Variants in KCNH8 observed in about 807,000 individuals in gnomAD.
The protein encoded by KCNH8 is voltage-gated delayed rectifier potassium channel KCNH8.
Under a neutral mutation model 103.6 loss-of-function variants are expected in KCNH8, and 70 were observed. The ratio of observed to expected loss-of-function variants is 0.68; its 90% CI spans 0.56 to 0.82. The LOEUF (loss-of-function observed/expected upper bound fraction) is 0.82. Ranked by LOEUF, KCNH8 falls within the 40% of genes least tolerant of loss-of-function variation. KCNH8 has a pLI of 0.00. For missense variants in KCNH8, 1,217 were observed against 1,329.9 expected (o/e 0.92, Z 1.32); for synonymous variants, 498 against 489.4 (o/e 1.02, Z -0.23).
intron 5 of KCNH8, among the ~76,000 whole-genome samples, chr3:19,382,191 TTAAC>T (rs1319508354): frequency 6.6e-5 from 10 of 152,148 alleles, no homozygotes; most frequent in South Asian, 2.1e-4. Flanking sequence ...ATTCTAAAAA[TTAAC>T]TAAGTTTCAA....
At chr3:19,452,993 T>C (rs958325510) in intron 10 of KCNH8, among the ~76,000 whole-genome samples, 3 of 152,182 alleles carry the variant, frequency 2.0e-5, no homozygotes, top group Non-Finnish European at 2.9e-5. Flanking sequence ...ATGTGGTACA[T>C]ATATGCAATG....
chr3:19,329,643 A>G (rs1297221442), intron 3 of KCNH8, among the ~76,000 whole-genome samples: 1 of 152,152 alleles, frequency 6.6e-6, no homozygotes, highest in African/African-American at 2.4e-5. Context: ...ATTCCGATCT[A>G]CAACTGGAAG....
At chr3:19,440,200 A>T (rs191377751) in intron 8 of KCNH8, among the ~76,000 whole-genome samples, 128 of 152,292 alleles carry the variant, frequency 8.4e-4, no homozygotes, top group East Asian at 1.9e-3. Context: ...ATAATTTTTT[A>T]AAAAAATTTT....
intron 3 of KCNH8, among the ~76,000 whole-genome samples, chr3:19,311,172 C>CTAA (rs1031136738): frequency 9.9e-5 from 15 of 151,322 alleles, no homozygotes; most frequent in African/African-American, 3.1e-4. Flanking sequence ...CCTCTCATGT[C>CTAA]TAATAATAAT....
At chr3:19,375,999 C>CA (rs1190630919) in intron 5 of KCNH8, among the ~76,000 whole-genome samples, 96 of 152,304 alleles carry the variant, frequency 6.3e-4, no homozygotes, top group African/African-American at 2.1e-3. Flanking sequence ...CTGCTCTCTT[C>CA]AAAGCTGTCA....
chr3:19,383,830 C>A (rs1255651772), intron 5 of KCNH8, among the ~76,000 whole-genome samples: 4 of 152,016 alleles, frequency 2.6e-5, no homozygotes, highest in African/African-American at 9.7e-5. Context: ...GGAAACTTTA[C>A]CACCTAATAA....
chr3:19,371,460 T>G (rs1372745846), intron 5 of KCNH8, among the ~76,000 whole-genome samples: 16 of 149,424 alleles, frequency 1.1e-4, no homozygotes, highest in African/African-American at 3.4e-4. Flanking sequence ...TGGGGTTGTT[T>G]GTTTTTTTCT....
At chr3:19,179,086 G>C (rs2063427513) in intron 1 of KCNH8, among the ~76,000 whole-genome samples, 1 of 151,538 alleles carries the variant, frequency 6.6e-6, no homozygotes, top group East Asian at 1.9e-4. Flanking sequence ...TTTTTTTCTT[G>C]GCTGAGAGAT....
chr3:19,400,466 T>C (rs2066596259), intron 7 of KCNH8, among the ~76,000 whole-genome samples: 1 of 151,850 alleles, frequency 6.6e-6, no homozygotes, highest in Non-Finnish European at 1.5e-5. Context: ...TTTTCAAAAT[T>C]ACCTCTAAGA....
At chr3:19,235,015 A>G (rs2064045973) in intron 1 of KCNH8, among the ~76,000 whole-genome samples, 1 of 152,212 alleles carries the variant, frequency 6.6e-6, no homozygotes, top group Non-Finnish European at 1.5e-5. Flanking sequence ...AAATGTATGT[A>G]TAGTTCGCGC....
chr3:19,370,813 T>C (rs1252234061), intron 5 of KCNH8, among the ~76,000 whole-genome samples: 1 of 138,240 alleles, frequency 7.2e-6, no homozygotes, highest in Admixed American at 7.9e-5. Context: ...CCTGTGTCCA[T>C]GTGATCTCAT....
At chr3:19,327,908 C>T (rs894524069) in intron 3 of KCNH8, among the ~76,000 whole-genome samples, 29 of 152,114 alleles carry the variant, frequency 1.9e-4, no homozygotes, top group African/African-American at 7.0e-4. Flanking sequence ...ACAAAACTTA[C>T]CCCAAAGGGT....
chr3:19,474,784 T>A lies in KCNH8; in HGVS notation c.2040+17802T>A, dbSNP rs182605419. Among the ~76,000 whole-genome samples the A allele has an allele frequency of 2.6e-5, 4 of 152,340 alleles. No individual in the cohort carries two copies. The East Asian group carries it at 7.7e-4, about 29-fold the overall frequency. ...ATGATGACTGATTCGTGTGACTGCATTTTGCCAGCATTCATAAACAGTCCC... is the reference window on the plus strand; with the variant it reads ...ATGATGACTGATTCGTGTGACTGCAATTTGCCAGCATTCATAAACAGTCCC... On this transcript the variant is annotated intron_variant, in intron 11 of 15. Coordinates refer to ENST00000328405, the MANE Select transcript of KCNH8 (RefSeq NM_144633.3).
chr3:19,414,087 C>G (rs1207188972), intron 7 of KCNH8, among the ~76,000 whole-genome samples: 3 of 152,072 alleles, frequency 2.0e-5, no homozygotes, highest in Non-Finnish European at 4.4e-5. Context: ...CCCTCTGATT[C>G]AGAGAGCTGA....
intron 1 of KCNH8, among the ~76,000 whole-genome samples, chr3:19,186,920 A>T (rs2063507962): frequency 6.6e-6 from 1 of 152,034 alleles, no homozygotes; most frequent in Non-Finnish European, 1.5e-5. Context: ...GATAGTAAAT[A>T]TTTTAGGTTT....
At chr3:19,525,938 G>C (rs920513156) in intron 15 of KCNH8, among the ~76,000 whole-genome samples, 1 of 151,872 alleles carries the variant, frequency 6.6e-6, no homozygotes, top group African/African-American at 2.4e-5. Context: ...ACTATCACTT[G>C]TTCTGAATGC....
chr3:19,375,168 G>A (rs1185713621), intron 5 of KCNH8, among the ~76,000 whole-genome samples: 1 of 151,894 alleles, frequency 6.6e-6, no homozygotes, highest in African/African-American at 2.4e-5. Context: ...GCTAGATTGG[G>A]GAAGTTCTCC....
Position 19,347,855 on chromosome 3 carries a change from A to G in KCNH8, c.701A>G (p.Tyr234Cys). 1 of 1,613,406 alleles carries G rather than the reference A, an allele frequency of 6.2e-7. No homozygotes were observed. The highest frequency in any genetic ancestry group is 2.2e-5 in the East Asian group (1 of 44,860). Reference sequence around the variant, plus strand: ...TGGCTTATTTTGTTGGCAACGTTTTATGTTGCTGTGACTGTACCTTACAAC... The same window carrying G: ...TGGCTTATTTTGTTGGCAACGTTTTGTGTTGCTGTGACTGTACCTTACAAC... ...WDWLILLATFYVAVTVPYNVC... is the reference protein window; with the variant it reads ...WDWLILLATFCVAVTVPYNVC... Residue 234 changes from tyrosine (Y) to cysteine (C), a missense_variant, in exon 5 of 16, where the codon TAT becomes TGT. Transcript: ENST00000328405.
At chr3:19,389,961 C>T (rs2066412646) in intron 5 of KCNH8, among the ~76,000 whole-genome samples, 1 of 152,162 alleles carries the variant, frequency 6.6e-6, no homozygotes, top group African/African-American at 2.4e-5. Flanking sequence ...CTCTGCCACT[C>T]TTGGCAATAT....
Sources: allele counts gnomAD v4.1 joint callset (sites outside exome capture counted in the v4.1 genomes callset), GRCh38; gene constraint gnomAD v4.1.1; transcripts MANE v1.5; gene names NCBI Gene and HGNC (gene_info 2026-07-23, HGNC 2026-07-21).